The following PPP3CC variants were observed in gnomAD, a reference collection of about 807,000 sequenced individuals.
PPP3CC encodes the protein serine/threonine-protein phosphatase 2B catalytic subunit gamma isoform.
A neutral mutation model predicts 60.3 loss-of-function variants in PPP3CC; 35 were observed. The ratio of observed to expected loss-of-function variants is 0.58; its 90% confidence interval spans 0.44 to 0.77. PPP3CC has a LOEUF of 0.77. Ranked by LOEUF, PPP3CC falls within the 30% of genes least tolerant of loss-of-function variation. PPP3CC has a pLI of 0.00. For missense variants in PPP3CC, 570 were observed against 628.9 expected, an observed-to-expected ratio of 0.91 and a Z score of 1.00; for synonymous variants, 206 against 224.3, an observed-to-expected ratio of 0.92 and a Z score of 0.73.
At chr8:22,447,843 G>C (rs1175813171) in intron 1 of PPP3CC, among the ~76,000 whole-genome samples, 1 of 152,134 alleles carries the variant, frequency 6.6e-6, no homozygotes, top group East Asian at 1.9e-4. Context: ...TTTGTTGTTT[G>C]AAGAGGGTTT....
chr8:22,451,430 C>A (rs1399957107), intron 1 of PPP3CC, among the ~76,000 whole-genome samples: 1 of 152,216 alleles, frequency 6.6e-6, no homozygotes, highest in African/African-American at 2.4e-5. Context: ...GCCACTGTGT[C>A]CGGCCCCCAG....
At chr8:22,521,013 A>C (rs1274334070) in intron 6 of PPP3CC, among the ~76,000 whole-genome samples, 1 of 152,188 alleles carries the variant, frequency 6.6e-6, no homozygotes, top group Non-Finnish European at 1.5e-5. Context: ...GTGATTAAGC[A>C]GGGCTGAAGC....
At chr8:22,462,810 G>A (rs1308911371) in intron 1 of PPP3CC, among the ~76,000 whole-genome samples, 2 of 152,068 alleles carry the variant, frequency 1.3e-5, no homozygotes, top group African/African-American at 2.4e-5. Flanking sequence ...TTTCTTAGAT[G>A]ATAATTTGTT....
chr8:22,478,619 T>C (rs943612266), intron 3 of PPP3CC, among the ~76,000 whole-genome samples: 1 of 152,196 alleles, frequency 6.6e-6, no homozygotes, highest in Non-Finnish European at 1.5e-5. Flanking sequence ...TATTTTGTGT[T>C]ATGCATTTTT....
At chr8:22,526,089 A>G (rs1839555340) in intron 8 of PPP3CC, among the ~76,000 whole-genome samples, 1 of 151,968 alleles carries the variant, frequency 6.6e-6, no homozygotes, top group African/African-American at 2.4e-5. Context: ...GCTGGTCTCA[A>G]TCTCCTGAGC....
At chr8:22,480,353 A>G (rs1838024346) in intron 3 of PPP3CC, among the ~76,000 whole-genome samples, 1 of 152,240 alleles carries the variant, frequency 6.6e-6, no homozygotes, top group Non-Finnish European at 1.5e-5. Flanking sequence ...AGTATCACTT[A>G]CCATTTAACA....
At chr8:22,523,701 G>A (rs756140834) in intron 8 of PPP3CC, 10 of 453,354 alleles carry the variant, frequency 2.2e-5, no homozygotes, top group South Asian at 1.6e-4. Flanking sequence ...TCCTTTGAGG[G>A]TGGATTTGAT....
chr8:22,455,883 C>G (rs1420117754), intron 1 of PPP3CC, among the ~76,000 whole-genome samples: 2 of 151,846 alleles, frequency 1.3e-5, no homozygotes, highest in African/African-American at 4.9e-5. Context: ...CTGTGACTAT[C>G]AAAGACCAGA....
intron 6 of PPP3CC, among the ~76,000 whole-genome samples, chr8:22,520,231 G>C (rs1465928464): frequency 6.6e-6 from 1 of 152,078 alleles, no homozygotes; most frequent in Non-Finnish European, 1.5e-5. Context: ...TATATGACAA[G>C]TAGGTTTTCT....
chr8:22,532,103 A>G, intron 10 of PPP3CC, 122 bp from the exon 11 acceptor site: 2 of 630,912 alleles, frequency 3.2e-6, no homozygotes, highest in Non-Finnish European at 5.3e-6. Context: ...AACAAACTTA[A>G]GCCTTCATTT....
intron 1 of PPP3CC, among the ~76,000 whole-genome samples, chr8:22,451,387 C>T (rs760464374): frequency 3.9e-5 from 6 of 152,172 alleles, no homozygotes; most frequent in Non-Finnish European, 8.8e-5. Context: ...CTGCCCTCCT[C>T]GGCCTCCCAA....
chr8:22,509,915 G>A (rs902743205), intron 4 of PPP3CC, among the ~76,000 whole-genome samples: 2 of 152,156 alleles, frequency 1.3e-5, no homozygotes, highest in African/African-American at 4.8e-5. Flanking sequence ...GCCAGGCGCA[G>A]TGGCTCACGC....
At chr8:22,539,917 A>G (rs1839922897) in intron 13 of PPP3CC, among the ~76,000 whole-genome samples, 1 of 152,244 alleles carries the variant, frequency 6.6e-6, no homozygotes, top group East Asian at 1.9e-4. Flanking sequence ...AGTTCAATTC[A>G]TTTCTGAGGT....
At position 22,535,152 on chromosome 8, in the gene PPP3CC, T is replaced by G. The variant is rs143410989; in HGVS notation, c.1321+2134T>G. 2.9e-3 allele frequency among the ~76,000 whole-genome samples: 440 copies of G among 152,276 alleles called. 2 individuals are homozygous for G. The highest frequency in any genetic ancestry group is 0.01 in the African/African-American group (416 of 41,548). ...AACAGTTTGAGGGGGTTGCAGTTTC[T>G]CAATCAGAGAGGGAGTTTGCCTCTT... On this transcript the variant is annotated intron_variant, in intron 12 of 13. Coordinates refer to ENST00000240139, the MANE Select transcript of PPP3CC (RefSeq NM_005605.5).
intron 6 of PPP3CC, among the ~76,000 whole-genome samples, chr8:22,520,288 A>T (rs538712204): frequency 6.6e-6 from 1 of 152,154 alleles, no homozygotes; most frequent in Admixed American, 6.5e-5. Flanking sequence ...CAACTTAATT[A>T]TAATGAGTCT....
intron 6 of PPP3CC, among the ~76,000 whole-genome samples, chr8:22,513,957 G>A (rs1839165523): frequency 6.6e-6 from 1 of 152,132 alleles, no homozygotes; most frequent in South Asian, 2.1e-4. Flanking sequence ...TCAAAAATAG[G>A]AAGACAGGCA....
chr8:22,504,583 C>A (rs1043111908), intron 4 of PPP3CC, among the ~76,000 whole-genome samples: 1 of 152,204 alleles, frequency 6.6e-6, no homozygotes. Context: ...CAGATGTGAG[C>A]TGCCATGCCT....
At position 22,539,531 on chromosome 8, in the gene PPP3CC, A is replaced by T. The variant is rs17060905; in HGVS notation, c.1351+33A>T. On this transcript the variant is annotated intron_variant, in intron 13 of 13. Transcript: ENST00000240139. ...CATATTACTCTGATAGATGTGATCC[A>T]TGTGTCTGTGTACTGGTTTTTCGAA... 2.9e-3 allele frequency: 4,586 copies of T among 1,607,094 alleles called. 116 individuals are homozygous for T. The African/African-American group carries it at 0.054, about 19-fold the overall frequency.
intron 1 of PPP3CC, among the ~76,000 whole-genome samples, chr8:22,474,250 A>G (rs1192571437): frequency 6.6e-6 from 1 of 152,180 alleles, no homozygotes; most frequent in Non-Finnish European, 1.5e-5. Context: ...AATAAATGCC[A>G]TTTTAGTATT....
Sources: allele counts gnomAD v4.1 joint callset (sites outside exome capture counted in the v4.1 genomes callset), GRCh38; gene constraint gnomAD v4.1.1; transcripts MANE v1.5; gene names NCBI Gene and HGNC (gene_info 2026-07-23, HGNC 2026-07-21).